RGS6: variants seen among roughly 807,000 people sequenced by gnomAD.
RGS6 encodes regulator of G protein signaling 6.
In RGS6, 30 loss-of-function variants were observed where a neutral mutation model predicts 78.5. The observed-to-expected ratio is 0.38, with a 90% CI of 0.29 to 0.52. The LOEUF is 0.52. RGS6 is among the 20% of genes least tolerant of loss of function. RGS6 has a pLI of 0.85. For missense variants in RGS6, 495 were observed against 609.7 expected, an observed-to-expected ratio of 0.81 and a Z score of 1.98; for synonymous variants, 206 against 206.0, an observed-to-expected ratio of 1.00 and a Z score of 0.00.
At chr14:72,550,641 C>G in intron 17 of RGS6, 1 of 1,504,866 alleles carries the variant, frequency 6.6e-7, no homozygotes, top group South Asian at 1.3e-5. Flanking sequence ...TCTGAGGCAT[C>G]CATAATTCTA....
intron 2 of RGS6, among the ~76,000 whole-genome samples, chr14:72,278,347 C>T (rs1792567213): frequency 6.6e-6 from 1 of 152,112 alleles, no homozygotes; most frequent in African/African-American, 2.4e-5. Flanking sequence ...TTTGGGGAGG[C>T]AGATGAGAAG....
intron 2 of RGS6, among the ~76,000 whole-genome samples, chr14:72,245,278 G>C (rs555960249): frequency 6.6e-6 from 1 of 152,166 alleles, no homozygotes; most frequent in Non-Finnish European, 1.5e-5. Flanking sequence ...CTAACCCAGC[G>C]GTACTAGAGG....
chr14:72,536,336 C>A, intron 16 of RGS6, 61 bp downstream of exon 16: 1 of 1,243,184 alleles, frequency 8.0e-7, no homozygotes, highest in Non-Finnish European at 1.2e-6. Context: ...CTGCTTGCTG[C>A]TGGTTTGAAA....
At chr14:72,411,969 C>G (rs962417641) in intron 3 of RGS6, among the ~76,000 whole-genome samples, 2 of 152,112 alleles carry the variant, frequency 1.3e-5, no homozygotes, top group Non-Finnish European at 2.9e-5. Context: ...TTCGGTTTGC[C>G]AGTATTTTAC....
intron 2 of RGS6, among the ~76,000 whole-genome samples, chr14:72,350,831 C>G (rs1383097029): frequency 1.3e-5 from 2 of 152,112 alleles, no homozygotes; most frequent in African/African-American, 4.8e-5. Context: ...ATAGTAGAAT[C>G]TATTTCATCA....
the RGS6 span, among the ~76,000 whole-genome samples, chr14:72,607,589 G>A: frequency 6.6e-6 from 1 of 152,242 alleles, no homozygotes; most frequent in Non-Finnish European, 1.5e-5. Flanking sequence ...GCAATGCCGG[G>A]TTCCCTGGGG....
chr14:72,560,797 CGTGTGTGTGTGTGTGTGT>C (rs57504072), intron 17 of RGS6, among the ~76,000 whole-genome samples: 1,953 of 141,318 alleles, frequency 0.014, 45 homozygotes, highest in African/African-American at 0.048. Context: ...ATTTTGTGGA[CGTGTGTGTGTGTGTGTGT>C]GTGTGTGTGT....
intron 10 of RGS6, among the ~76,000 whole-genome samples, chr14:72,475,832 A>G (rs11850322): frequency 0.02 from 1,885 of 94,848 alleles, 24 homozygotes; most frequent in Middle Eastern, 0.059. Context: ...AAATACACGC[A>G]CACACACACA....
At chr14:72,221,803 T>C (rs949871472) in intron 2 of RGS6, among the ~76,000 whole-genome samples, 16 of 152,210 alleles carry the variant, frequency 1.1e-4, no homozygotes, top group African/African-American at 3.4e-4. Flanking sequence ...TCAATTAGTT[T>C]GGCCAGAGAG....
At chr14:72,397,877 A>G (rs1299742733) in intron 3 of RGS6, among the ~76,000 whole-genome samples, 1 of 152,208 alleles carries the variant, frequency 6.6e-6, no homozygotes, top group Non-Finnish European at 1.5e-5. Flanking sequence ...ATGTTGAACC[A>G]GCCTTGCATC....
At chr14:72,135,019 T>C (rs1282582709) in intron 2 of RGS6, among the ~76,000 whole-genome samples, 1 of 152,192 alleles carries the variant, frequency 6.6e-6, no homozygotes, top group African/African-American at 2.4e-5. Flanking sequence ...AAATAAAGTT[T>C]TAATAGACAT....
chr14:72,609,556 G>A, the RGS6 span, among the ~76,000 whole-genome samples: 1 of 152,156 alleles, frequency 6.6e-6, no homozygotes, highest in Non-Finnish European at 1.5e-5. Context: ...CTTAGGCAGG[G>A]CAGAAACATC....
At chr14:71,987,530 A>AT (rs565560248) in intron 2 of RGS6, among the ~76,000 whole-genome samples, 140 of 152,140 alleles carry the variant, frequency 9.2e-4, no homozygotes, top group African/African-American at 3.2e-3. Flanking sequence ...TATTTTATTT[A>AT]TTTTTTATTT....
intron 3 of RGS6, among the ~76,000 whole-genome samples, chr14:72,447,959 C>T (rs1029438207): frequency 6.6e-6 from 1 of 152,234 alleles, no homozygotes; most frequent in African/African-American, 2.4e-5. Context: ...CCACCTCGGC[C>T]TCCCGCAGTG....
chr14:72,322,052 A>G (rs35291137), intron 2 of RGS6, among the ~76,000 whole-genome samples: 8,168 of 152,094 alleles, frequency 0.054, 349 homozygotes, highest in East Asian at 0.27. Context: ...TACATATCCT[A>G]TGGGCTCAAC....
At chr14:72,411,487 A>G (rs1001421164) in intron 3 of RGS6, among the ~76,000 whole-genome samples, 1 of 152,252 alleles carries the variant, frequency 6.6e-6, no homozygotes. Context: ...GGGGTTTTCT[A>G]GATATACAAT....
chr14:72,147,167 A>G (rs1007621490), intron 2 of RGS6, among the ~76,000 whole-genome samples: 26 of 152,162 alleles, frequency 1.7e-4, no homozygotes, highest in Non-Finnish European at 2.6e-4. Flanking sequence ...ATCACCCTTA[A>G]TGCCCCATTC....
the RGS6 span, among the ~76,000 whole-genome samples, chr14:72,586,382 G>T: frequency 6.6e-6 from 1 of 152,192 alleles, no homozygotes; most frequent in Middle Eastern, 3.4e-3. Flanking sequence ...AAAATGCTTG[G>T]TGCCTCCTCC....
chr14:72,439,627 C>T (rs1405615393), intron 3 of RGS6, among the ~76,000 whole-genome samples: 1 of 152,220 alleles, frequency 6.6e-6, no homozygotes, highest in Non-Finnish European at 1.5e-5. Context: ...GGACATTCTC[C>T]ACTTGTCCCT....
Sources: allele counts gnomAD v4.1 joint callset (sites outside exome capture counted in the v4.1 genomes callset), GRCh38; gene constraint gnomAD v4.1.1; transcripts MANE v1.5; gene names NCBI Gene and HGNC (gene_info 2026-07-23, HGNC 2026-07-21).